Variants in RAB2A observed in about 807,000 individuals in gnomAD.
The protein encoded by RAB2A is RAB2A, member RAS oncogene family.
Under a neutral mutation model 32.5 loss-of-function variants are expected in RAB2A, and 7 were observed. The observed-to-expected ratio is 0.22, with a 90% CI of 0.12 to 0.40. RAB2A has a LOEUF of 0.40. Among genes scored for constraint, RAB2A ranks in the 10% least tolerant of loss-of-function variants. The pLI is 1.00. For missense variants in RAB2A, 108 were observed against 260.7 expected (o/e 0.41, Z 4.03); for synonymous variants, 79 against 85.2 (o/e 0.93, Z 0.40).
chr8:60,560,207 C>T (rs1044652823), intron 2 of RAB2A, among the ~76,000 whole-genome samples: 2 of 152,166 alleles, frequency 1.3e-5, no homozygotes, highest in Non-Finnish European at 1.5e-5. Flanking sequence ...CCCATCTCAG[C>T]TTCCCAGGTA....
intron 1 of RAB2A, among the ~76,000 whole-genome samples, chr8:60,555,825 A>G (rs1295153907): frequency 6.6e-6 from 1 of 152,250 alleles, no homozygotes. Context: ...CAAAACTACC[A>G]TATGATCCAG....
chr8:60,597,715 GATTA>G (rs575645478), intron 6 of RAB2A, among the ~76,000 whole-genome samples: 5 of 152,272 alleles, frequency 3.3e-5, no homozygotes, highest in South Asian at 2.1e-4. Context: ...TAAGAGCAGA[GATTA>G]ATTAAGTTGA....
At chr8:60,598,221 G>T (rs973527567) in intron 6 of RAB2A, among the ~76,000 whole-genome samples, 2 of 152,054 alleles carry the variant, frequency 1.3e-5, no homozygotes, top group Non-Finnish European at 2.9e-5. Context: ...AAATTGAATA[G>T]CCCTATAAAC....
intron 1 of RAB2A, among the ~76,000 whole-genome samples, chr8:60,532,462 A>G (rs1011619710): frequency 1.3e-5 from 2 of 152,214 alleles, no homozygotes; most frequent in Non-Finnish European, 2.9e-5. Context: ...ATACTTGCTC[A>G]GGATAAACTT....
rs183701270 is a variant in RAB2A at position 60,605,257 on chromosome 8, A to G, written c.474+13288A>G. Among the ~76,000 whole-genome samples the G allele has an allele frequency of 2.6e-4, 39 of 152,330 alleles. No homozygotes were observed. In the East Asian group the frequency reaches 7.5e-3, roughly 29 times the overall value. On this transcript the variant is annotated intron_variant, in intron 6 of 7. Transcript: ENST00000262646. ...ACAGAGTCCAAGAGTTGAGGCTTGG[A>G]AACCTCTGCCTAGATTTCAGAGAAT... is the stretch of plus-strand genomic sequence containing the variant.
intron 1 of RAB2A, among the ~76,000 whole-genome samples, chr8:60,519,964 C>G (rs1004483248): frequency 2.0e-5 from 3 of 152,146 alleles, no homozygotes; most frequent in Non-Finnish European, 4.4e-5. Context: ...TGGCCCTCCC[C>G]TAGAAAAGAT....
intron 6 of RAB2A, among the ~76,000 whole-genome samples, chr8:60,609,031 G>C (rs1318547788): frequency 6.6e-6 from 1 of 152,092 alleles, no homozygotes; most frequent in Non-Finnish European, 1.5e-5. Flanking sequence ...TTCTAAAAAT[G>C]AAGGTTGAAT....
At chr8:60,605,947 G>A (rs370023571) in intron 6 of RAB2A, among the ~76,000 whole-genome samples, 6 of 151,726 alleles carry the variant, frequency 4.0e-5, no homozygotes, top group African/African-American at 4.9e-5. Flanking sequence ...TCAGGAGTTC[G>A]AGACCAGCTT....
intron 1 of RAB2A, chr8:60,551,856 ATTTTTTTTTTTT>A (rs34092556): frequency 1.1e-5 from 1 of 90,524 alleles, no homozygotes; most frequent in African/African-American, 4.6e-5. Context: ...CCATGCCTTG[ATTTTTTTTTTTT>A]TTTTTTTTTT....
chr8:60,562,524 CTA>C (rs1808039873), intron 2 of RAB2A, among the ~76,000 whole-genome samples: 1 of 152,100 alleles, frequency 6.6e-6, no homozygotes, highest in African/African-American at 2.4e-5. Flanking sequence ...CTAACATGAA[CTA>C]TTTTTTTAAA....
At chr8:60,544,332 GC>G (rs66487712) in intron 1 of RAB2A, among the ~76,000 whole-genome samples, 151,915 of 151,918 alleles carry the variant, frequency 1, 75,956 homozygotes, top group Non-Finnish European at 1. Flanking sequence ...GAGCCACCAC[GC>G]CCCAGCCCAA....
chr8:60,568,177 C>G (rs1808144261), intron 2 of RAB2A, among the ~76,000 whole-genome samples: 2 of 152,314 alleles, frequency 1.3e-5, no homozygotes, highest in East Asian at 3.9e-4. Context: ...GCTGTTTGCT[C>G]TACACCTAGC....
chr8:60,613,467 ATTTGT>A (rs1275801479), intron 6 of RAB2A, among the ~76,000 whole-genome samples: 1 of 152,156 alleles, frequency 6.6e-6, no homozygotes, highest in Non-Finnish European at 1.5e-5. Flanking sequence ...AGGAATTTTC[ATTTGT>A]TTTGTATGTT....
intron 1 of RAB2A, among the ~76,000 whole-genome samples, chr8:60,524,884 C>G (rs1005561884): frequency 1.3e-5 from 2 of 152,056 alleles, no homozygotes; most frequent in Non-Finnish European, 2.9e-5. Context: ...TATTTAATCC[C>G]TAAGGTGTAG....
intron 3 of RAB2A, among the ~76,000 whole-genome samples, chr8:60,574,360 G>C (rs1808238654): frequency 6.6e-6 from 1 of 152,106 alleles, no homozygotes; most frequent in African/African-American, 2.4e-5. Context: ...TGCATTCTTA[G>C]CTTGGTGACT....
intron 2 of RAB2A, among the ~76,000 whole-genome samples, chr8:60,571,497 AT>A (rs1367695698): frequency 6.6e-6 from 1 of 152,150 alleles, no homozygotes; most frequent in African/African-American, 2.4e-5. Context: ...ATATGTTCCC[AT>A]TTGTGCAGGA....
chr8:60,591,804 C>A, intron 5 of RAB2A, 54 bp from the exon 6 acceptor site: 1 of 1,152,370 alleles, frequency 8.7e-7, no homozygotes, highest in Non-Finnish European at 1.3e-6. Context: ...TCCACAAATG[C>A]TTCTGTTTGT....
chr8:60,559,229 G>T (rs888779080), intron 2 of RAB2A: 81 of 251,592 alleles, frequency 3.2e-4, no homozygotes, highest in African/African-American at 1.7e-3. Context: ...CTTTGACTCA[G>T]CTTGCTGGAA....
At chr8:60,549,225 T>C (rs1336550058) in intron 1 of RAB2A, among the ~76,000 whole-genome samples, 1 of 152,010 alleles carries the variant, frequency 6.6e-6, no homozygotes, top group Non-Finnish European at 1.5e-5. Flanking sequence ...GCTCCTCACT[T>C]CCCAGACGGG....
Sources: gnomAD v4.1 joint callset for allele counts (sites outside exome capture counted in the v4.1 genomes callset) on GRCh38, gnomAD v4.1.1 for gene constraint, MANE v1.5 for transcripts, NCBI Gene and HGNC (gene_info 2026-07-23, HGNC 2026-07-21) for gene names.